The following MRPS25 variants were observed in gnomAD, a reference collection of about 807,000 sequenced individuals.
MRPS25 encodes the protein small ribosomal subunit protein mS25.
Under a neutral mutation model 17.3 loss-of-function variants are expected in MRPS25, and 15 were observed. The ratio of observed to expected loss-of-function variants is 0.87; its 90% confidence interval spans 0.58 to 1.34. MRPS25 has a LOEUF of 1.34. MRPS25 is among the 40% of genes most tolerant of loss of function. The pLI, the probability that MRPS25 is intolerant of heterozygous loss-of-function variation, is 0.00. For missense variants in MRPS25, 225 were observed against 218.6 expected, an observed-to-expected ratio of 1.03 and a Z score of -0.19; for synonymous variants, 94 against 83.3, an observed-to-expected ratio of 1.13 and a Z score of -0.70.
At chr3:15,064,366 TCCTAGGCGTTC>T (rs2042825989) in intron 1 of MRPS25, among the ~76,000 whole-genome samples, 2 of 152,082 alleles carry the variant, frequency 1.3e-5, no homozygotes, top group African/African-American at 4.8e-5. Context: ...CTGAAAGACA[TCCTAGGCGTTC>T]CCTACAGTTC....
At chr3:15,062,511 G>A (rs1187562490) in intron 1 of MRPS25, among the ~76,000 whole-genome samples, 12 of 150,850 alleles carry the variant, frequency 8.0e-5, no homozygotes, top group Admixed American at 4.6e-4. Context: ...CTGCCCGGCC[G>A]CCCCTACTGG....
rs2042574590 is a variant in MRPS25 at position 15,049,704 on chromosome 3, T to C, written c.*2737A>G. 7.0e-6 allele frequency: 4 copies of C among 569,132 alleles called. No homozygotes were observed. In the South Asian group the frequency reaches 9.1e-5, roughly 13 times the overall value. The allele number at this position is 569,132 out of a possible 1,614,324, so 35.3% of individuals were successfully genotyped here. On this transcript the variant is annotated 3_prime_UTR_variant, in exon 4 of 4. Coordinates refer to ENST00000253686, the MANE Select transcript of MRPS25 (RefSeq NM_022497.5). Reference sequence around the variant, plus strand: ...GTTAGAACATATTCATTATGTCATCTGACCTCTCATGTTCCAGGTGAAAAT... The same window carrying C: ...GTTAGAACATATTCATTATGTCATCCGACCTCTCATGTTCCAGGTGAAAAT...
intron 1 of MRPS25, among the ~76,000 whole-genome samples, chr3:15,064,232 G>C (rs1260302322): frequency 1.3e-5 from 2 of 152,152 alleles, no homozygotes; most frequent in Admixed American, 6.5e-5. Flanking sequence ...AGCACTCAGA[G>C]TGTACTCAAT....
Position 15,051,092 on chromosome 3 carries a change from CT to C in MRPS25, c.*1348del. ...TGTCCTTTTTTAATTCTTTTAACCA[CT>C]GCCTTCCTGTCTCAGATAAAGTCAG... On this transcript the variant is annotated 3_prime_UTR_variant, in exon 4 of 4. Coordinates refer to ENST00000253686, the MANE Select transcript of MRPS25 (RefSeq NM_022497.5). The C allele has an allele frequency of 1.0e-6, 1 of 985,418 alleles. No individual in the cohort carries two copies. The highest frequency in any genetic ancestry group is 1.2e-6 in the Non-Finnish European group (1 of 829,898). 61.0% of individuals were successfully genotyped at this position (985,418 alleles called of 1,614,324 possible).
At position 15,051,688 on chromosome 3, in the gene MRPS25, T is replaced by A; in HGVS notation, c.*753A>T. The A allele has an allele frequency of 2.0e-6, 2 of 985,638 alleles. No homozygotes were observed. Among genetic ancestry groups the A allele is most frequent in the Non-Finnish European group, 2.4e-6 (2 of 830,204 alleles). The allele number at this position is 985,638 out of a possible 1,614,324, so 61.1% of individuals were successfully genotyped here. A position where few individuals can be genotyped will look rare whatever the true frequency, so the allele number is the denominator to read the frequency against. ...CCAGCAGAGCCAGCTATAGACACCA[T>A]CCCCCCAGCAGGGCCCCAATGTCTC... On this transcript the variant is annotated 3_prime_UTR_variant, in exon 4 of 4. Coordinates refer to ENST00000253686, the MANE Select transcript of MRPS25 (RefSeq NM_022497.5).
chr3:15,051,510 T>C lies in MRPS25; in HGVS notation c.*931A>G. ...GCTAAACCTATTCTTAAGGTGACCC[T>C]AGAAGGCTCTGCTGTCTTCTGGAGG... On this transcript the variant is annotated 3_prime_UTR_variant, in exon 4 of 4. Coordinates refer to ENST00000253686, the MANE Select transcript of MRPS25 (RefSeq NM_022497.5). 1.0e-6 allele frequency: 1 copy of C among 985,348 alleles called. No homozygotes were observed. The highest frequency in any genetic ancestry group is 1.2e-6 in the Non-Finnish European group (1 of 829,884). 61.0% of individuals were successfully genotyped at this position (985,348 alleles called of 1,614,324 possible).
At chr3:15,059,538 G>T (rs2042721136) in intron 1 of MRPS25, 63 bp from the exon 2 acceptor site, 1 of 1,112,028 alleles carries the variant, frequency 9.0e-7, no homozygotes. Context: ...TTATGCGTGG[G>T]TATTTTTCTA....
At chr3:15,042,840 C>A (rs771552565), downstream of MRPS25, 4 of 1,613,716 alleles carry the variant, frequency 2.5e-6, no homozygotes, top group African/African-American at 5.3e-5. Flanking sequence ...ATAGATTGGC[C>A]CGGATCCTCG....
intron 3 of MRPS25, 68 bp from the exon 4 acceptor site, chr3:15,052,701 A>C: frequency 8.6e-6 from 13 of 1,513,246 alleles, no homozygotes; most frequent in Non-Finnish European, 1.1e-5. Flanking sequence ...GCAGTTTCTC[A>C]GCCGAGACAA....
At chr3:15,063,166 T>TTTAAGGAAACTAAGGTCAGAAG (rs2042803313) in intron 1 of MRPS25, among the ~76,000 whole-genome samples, 1 of 151,876 alleles carries the variant, frequency 6.6e-6, no homozygotes, top group South Asian at 2.1e-4. Flanking sequence ...GGTTTTACAA[T>TTTAAGGAAACTAAGGTCAGAAG]TTAAGGAAAC....
In MRPS25 at chr3:15,065,311, C is replaced by T. The variant is rs1378367516; in HGVS notation, c.-117G>A. The T allele has an allele frequency of 5.2e-5, 72 of 1,387,378 alleles. No homozygotes were observed. The highest frequency in any genetic ancestry group is 1.9e-4 in the Middle Eastern group (1 of 5,256). The allele number at this position is 1,387,378 out of a possible 1,614,324, so 85.9% of individuals were successfully genotyped here. On this transcript the variant is annotated 5_prime_UTR_variant, in exon 1 of 4. Transcript: ENST00000253686. ...TTCTCCCCAGAGCCAGGTTCCACTT[C>T]CCGCGCAGACGCACAGGAGACGCTT...
Position 15,050,675 on chromosome 3 carries a change from G to C in MRPS25, c.*1766C>G. On this transcript the variant is annotated 3_prime_UTR_variant, in exon 4 of 4. Transcript: ENST00000253686. ...ACCCAGCCAAAATGCTGATAGCAGA[G>C]AGACAAGATGCTAGATTTCAATTAA... 2.0e-6 allele frequency: 2 copies of C among 985,432 alleles called. No homozygotes were observed. Among genetic ancestry groups the C allele is most frequent in the African/African-American group, 3.5e-5 (2 of 57,336 alleles). The allele number at this position is 985,432 out of a possible 1,614,324, so 61.0% of individuals were successfully genotyped here. A position where few individuals can be genotyped will look rare whatever the true frequency, so the allele number is the denominator to read the frequency against.
rs373366121 is a variant in MRPS25, at chr3:15,050,170, A to G, written c.*2271T>C. The stretch of plus-strand genomic sequence containing the variant: ...AGCCTACAGGGAACAAAAAAAGAAA[A>G]TAATGTTTATTTCCACAAATTATCT... On this transcript the variant is annotated 3_prime_UTR_variant, in exon 4 of 4. Transcript: ENST00000253686. 2.4e-6 allele frequency: 3 copies of G among 1,272,700 alleles called. No individual in the cohort carries two copies. Among genetic ancestry groups the G allele is most frequent in the Non-Finnish European group, 3.0e-6 (3 of 1,013,440 alleles). 78.8% of individuals were successfully genotyped at this position (1,272,700 alleles called of 1,614,324 possible). A position where few individuals can be genotyped will look rare whatever the true frequency, so the allele number is the denominator to read the frequency against.
At chr3:15,047,376 G>C (rs997976613), downstream of MRPS25, 13 of 152,318 alleles carry the variant, frequency 8.5e-5, no homozygotes, top group East Asian at 2.5e-3. Flanking sequence ...TCTAGGTTCG[G>C]ACAAGAGCCA....
downstream of MRPS25, chr3:15,044,917 G>T (rs936556651): frequency 6.6e-6 from 1 of 152,208 alleles, no homozygotes; most frequent in African/African-American, 2.4e-5. Context: ...TTCTTGTTTG[G>T]ATTTAATTAT....
At position 15,052,200 on chromosome 3, in the gene MRPS25, C is replaced by T. The variant is rs74471138; in HGVS notation, c.*241G>A. ...TTCCTCTTCACTAGGACCAGATACACGCCAAGCTGCTATTAGGAAGCGTTT... is the reference window on the plus strand; with the variant it reads ...TTCCTCTTCACTAGGACCAGATACATGCCAAGCTGCTATTAGGAAGCGTTT... On this transcript the variant is annotated 3_prime_UTR_variant, in exon 4 of 4. Coordinates refer to ENST00000253686, the MANE Select transcript of MRPS25 (RefSeq NM_022497.5). The T allele has an allele frequency of 1.5e-3, 1,906 of 1,249,404 alleles. 25 individuals carry two copies. In the African/African-American group the frequency reaches 0.025, roughly 16 times the overall value. The allele number at this position is 1,249,404 out of a possible 1,614,324, so 77.4% of individuals were successfully genotyped here.
In MRPS25 at chr3:15,053,469, T is replaced by C; in HGVS notation, c.242-2A>G. On this transcript the variant is annotated splice_acceptor_variant, in intron 2 of 3. Transcript: ENST00000253686. LOFTEE classifies it high-confidence loss of function. ...CCACCAGGACCTGCTCCCCAGAATCTGGAAACGGAAAGCACGGGGCAGAAG... is the reference window on the plus strand; with the variant it reads ...CCACCAGGACCTGCTCCCCAGAATCCGGAAACGGAAAGCACGGGGCAGAAG... The C allele has an allele frequency of 2.5e-6, 4 of 1,614,144 alleles. No homozygotes were observed. The highest frequency in any genetic ancestry group is 3.4e-6 in the Non-Finnish European group (4 of 1,180,018).
chr3:15,065,016 G>A (rs1012281273), intron 1 of MRPS25, 45 bp downstream of exon 1: 47 of 1,567,804 alleles, frequency 3.0e-5, no homozygotes, highest in Non-Finnish European at 4.0e-5. Context: ...AGGCTGGCAC[G>A]ACTAGCAGGT....
intron 2 of MRPS25, among the ~76,000 whole-genome samples, chr3:15,059,154 G>C (rs562570394): frequency 2.6e-5 from 4 of 152,186 alleles, no homozygotes; most frequent in African/African-American, 9.6e-5. Context: ...CATGGTGTGA[G>C]GCAGAGGGTA....
Sources: allele counts gnomAD v4.1 joint callset (sites outside exome capture counted in the v4.1 genomes callset), GRCh38; gene constraint gnomAD v4.1.1; transcripts MANE v1.5; gene names NCBI Gene and HGNC (gene_info 2026-07-23, HGNC 2026-07-21).